Variants in COMMD1 observed in about 807,000 individuals in gnomAD.
COMMD1 encodes the protein copper metabolism domain containing 1.
Under a neutral mutation model 17.2 loss-of-function variants are expected in COMMD1, and 10 were observed. The ratio of observed to expected loss-of-function variants is 0.58; its 90% CI spans 0.36 to 0.99. COMMD1 has a LOEUF of 0.99. Ranked by LOEUF, COMMD1 falls within the 50% of genes least tolerant of loss-of-function variation. COMMD1 has a pLI of 0.01. For missense variants in COMMD1, 270 were observed against 231.8 expected, an observed-to-expected ratio of 1.17 and a Z score of -1.07; for synonymous variants, 97 against 91.6, an observed-to-expected ratio of 1.06 and a Z score of -0.34.
intron 1 of COMMD1, among the ~76,000 whole-genome samples, chr2:61,978,436 T>G (rs1418772004): frequency 1.3e-5 from 2 of 152,188 alleles, no homozygotes; most frequent in African/African-American, 4.8e-5. Context: ...ATATCAAGGT[T>G]TTTTCCTTCA....
Position 61,986,994 on chromosome 2 carries a change from A to G in COMMD1, c.181-13707A>G, listed in dbSNP as rs1054962153. On this transcript the variant is annotated intron_variant, in intron 1 of 2. Coordinates refer to ENST00000311832, the MANE Select transcript of COMMD1 (RefSeq NM_152516.4). ...CTCTGATCCATTCTTCATTATGTCA[A>G]TTGCATTTTTCAGCTCCAGAATTTC... is the stretch of plus-strand genomic sequence containing the variant. 2.0e-5 allele frequency among the ~76,000 whole-genome samples: 3 copies of G among 152,072 alleles called. No individual in the cohort carries two copies. The East Asian group carries it at 5.8e-4, about 29-fold the overall frequency.
intron 1 of COMMD1, among the ~76,000 whole-genome samples, chr2:61,911,425 G>T (rs567274926): frequency 6.0e-4 from 92 of 152,146 alleles, no homozygotes; most frequent in Non-Finnish European, 8.8e-4. Flanking sequence ...GCAGTGAGCC[G>T]GGATGGCACC....
At chr2:62,046,778 A>G (rs1670395877) in intron 2 of COMMD1, among the ~76,000 whole-genome samples, 1 of 152,238 alleles carries the variant, frequency 6.6e-6, no homozygotes, top group Admixed American at 6.5e-5. Context: ...AAGCAGTCAC[A>G]TTATTCAGTT....
intron 2 of COMMD1, among the ~76,000 whole-genome samples, chr2:62,059,621 T>C (rs889711221): frequency 6.6e-6 from 1 of 152,152 alleles, no homozygotes; most frequent in African/African-American, 2.4e-5. Context: ...CAGTGGCTAT[T>C]CACAGGTGTG....
intron 1 of COMMD1, among the ~76,000 whole-genome samples, chr2:61,897,618 G>T (rs777493503): frequency 1.3e-5 from 2 of 152,096 alleles, no homozygotes; most frequent in African/African-American, 4.8e-5. Flanking sequence ...GCGTGGTGGT[G>T]CATGCCTGTA....
intron 2 of COMMD1, among the ~76,000 whole-genome samples, chr2:62,109,973 T>A (rs960804593): frequency 2.1e-5 from 3 of 139,600 alleles, no homozygotes; most frequent in African/African-American, 8.1e-5. Context: ...CTATGTTACC[T>A]AGGCTGGTCT....
chr2:61,934,721 C>A (rs550998709), intron 1 of COMMD1, among the ~76,000 whole-genome samples: 27 of 152,196 alleles, frequency 1.8e-4, no homozygotes, highest in Admixed American at 3.3e-4. Context: ...GTTAGTACAG[C>A]AGTCACTGAT....
At position 62,058,884 on chromosome 2, in the gene COMMD1, G is replaced by A. The variant is rs546932210; in HGVS notation, c.462+57902G>A. Among the ~76,000 whole-genome samples the A allele has an allele frequency of 6.6e-5, 10 of 152,180 alleles. No individual in the cohort carries two copies. The East Asian group carries it at 1.7e-3, about 26-fold the overall frequency. ...CAACCTCTGCCTCCCGGATTCAAGC[G>A]ATTCTCCTGCCTCAGCCTCCCGAGT... On this transcript the variant is annotated intron_variant, in intron 2 of 2. Transcript: ENST00000311832.
intron 2 of COMMD1, among the ~76,000 whole-genome samples, chr2:62,095,277 A>G (rs1427738622): frequency 6.6e-6 from 1 of 152,220 alleles, no homozygotes; most frequent in African/African-American, 2.4e-5. Context: ...TGCAGAACAA[A>G]GGGTCTATGC....
At position 62,030,944 on chromosome 2, in the gene COMMD1, C is replaced by T. The variant is rs183440551; in HGVS notation, c.462+29962C>T. On this transcript the variant is annotated intron_variant, in intron 2 of 2. Coordinates refer to ENST00000311832, the MANE Select transcript of COMMD1 (RefSeq NM_152516.4). ...GATTTAGGTTTACAGTTTATAGATA[C>T]AGGTGCTTCTTGTTTTAGTATTAGT... 9.9e-5 allele frequency among the ~76,000 whole-genome samples: 15 copies of T among 152,162 alleles called. No homozygotes were observed. In the East Asian group the frequency reaches 2.9e-3, roughly 29 times the overall value.
intron 1 of COMMD1, among the ~76,000 whole-genome samples, chr2:61,916,528 C>A (rs1469389860): frequency 2.6e-5 from 4 of 152,092 alleles, no homozygotes; most frequent in Non-Finnish European, 5.9e-5. Flanking sequence ...CTCAAGCGAT[C>A]TTCCTACTTC....
intron 1 of COMMD1, among the ~76,000 whole-genome samples, chr2:61,908,118 G>A (rs1423167917): frequency 1.3e-5 from 2 of 152,182 alleles, no homozygotes; most frequent in African/African-American, 4.8e-5. Flanking sequence ...GCAGGTGCCT[G>A]GCAGCACACT....
chr2:62,065,191 A>G (rs560910122), intron 2 of COMMD1, among the ~76,000 whole-genome samples: 1 of 152,092 alleles, frequency 6.6e-6, no homozygotes, highest in Admixed American at 6.5e-5. Context: ...AAATATGTAT[A>G]TGATATATTT....
intron 2 of COMMD1, among the ~76,000 whole-genome samples, chr2:62,065,506 G>A (rs1228477081): frequency 6.6e-6 from 1 of 151,638 alleles, no homozygotes; most frequent in Non-Finnish European, 1.5e-5. Context: ...TTATGTGTGT[G>A]TAGAGACACA....
intron 1 of COMMD1, among the ~76,000 whole-genome samples, chr2:61,966,705 C>G (rs1257165154): frequency 1.3e-5 from 2 of 151,852 alleles, no homozygotes; most frequent in Non-Finnish European, 2.9e-5. Context: ...CTCCATAACT[C>G]TTCTTTTGGC....
intron 1 of COMMD1, among the ~76,000 whole-genome samples, chr2:61,917,227 T>G (rs1176621907): frequency 1.3e-5 from 2 of 151,878 alleles, no homozygotes; most frequent in African/African-American, 4.8e-5. Context: ...TATGGTAGCG[T>G]GCACCTGTAA....
At chr2:61,944,837 AT>A (rs913991172) in intron 1 of COMMD1, among the ~76,000 whole-genome samples, 33 of 151,654 alleles carry the variant, frequency 2.2e-4, no homozygotes, top group African/African-American at 8.0e-4. Flanking sequence ...GCTTCTCTAG[AT>A]TTTTTTTTGG....
intron 2 of COMMD1, among the ~76,000 whole-genome samples, chr2:62,022,533 G>A (rs1573081924): frequency 7.2e-6 from 1 of 139,490 alleles, no homozygotes; most frequent in Admixed American, 7.2e-5. Flanking sequence ...TAAGGGTAAA[G>A]TATTTTTAAC....
At chr2:61,940,691 CTT>C (rs557857376) in intron 1 of COMMD1, among the ~76,000 whole-genome samples, 13 of 143,808 alleles carry the variant, frequency 9.0e-5, no homozygotes, top group Admixed American at 7.0e-5. Flanking sequence ...GGGATGAATT[CTT>C]TTTTTTTTTT....
Sources: allele counts gnomAD v4.1 joint callset (sites outside exome capture counted in the v4.1 genomes callset), GRCh38; gene constraint gnomAD v4.1.1; transcripts MANE v1.5; gene names NCBI Gene and HGNC (gene_info 2026-07-23, HGNC 2026-07-21).